Variants in GGACT observed in about 807,000 individuals in gnomAD.
GGACT encodes the protein gamma-glutamylaminecyclotransferase.
For synonymous variants in GGACT, 118 were observed against 115.3 expected (o/e 1.02, Z -0.15); for missense variants, 241 against 233.2 (o/e 1.03, Z -0.22).
Position 100,531,947 on chromosome 13 carries a change from G to T in GGACT, c.*183C>A. The T allele has an allele frequency of 2.3e-6, 1 of 435,822 alleles. No homozygotes were observed. The highest frequency in any genetic ancestry group is 5.9e-4 in the Middle Eastern group (1 of 1,684). The allele number at this position is 435,822 out of a possible 1,614,324, so 27.0% of individuals were successfully genotyped here. A position where few individuals can be genotyped will look rare whatever the true frequency, so the allele number is the denominator to read the frequency against. On this transcript the variant is annotated 3_prime_UTR_variant, in exon 3 of 3. Transcript: ENST00000683975. ...TTCTTACCAGGTAGAAAGATGGGAGGGAAGCACCTTGCTATTCGTATCTCA... is the reference window on the plus strand; with the variant it reads ...TTCTTACCAGGTAGAAAGATGGGAGTGAAGCACCTTGCTATTCGTATCTCA...
intron 2 of GGACT, 113 bp from the exon 3 acceptor site, chr13:100,532,714 G>C: frequency 1.3e-6 from 1 of 759,858 alleles, no homozygotes; most frequent in South Asian, 1.8e-5. Flanking sequence ...ACCTGAATGC[G>C]CCTGGCTGTG....
chr13:100,536,555 T>G (rs2088495406), intron 2 of GGACT: 1 of 152,098 alleles, frequency 6.6e-6, no homozygotes, highest in South Asian at 2.1e-4. Context: ...TATATATATA[T>G]TTTTTAAGTT....
At chr13:100,588,698 G>A (rs1055261004) in intron 1 of GGACT, 43 bp downstream of exon 1, 7 of 151,550 alleles carry the variant, frequency 4.6e-5, no homozygotes, top group Admixed American at 2.6e-4. Context: ...CTGGGGGGCG[G>A]AGCAGGCGCA....
intron 2 of GGACT, among the ~76,000 whole-genome samples, chr13:100,550,377 T>C: frequency 7.9e-6 from 1 of 126,224 alleles, no homozygotes; most frequent in African/African-American, 3.4e-5. Flanking sequence ...CTAAGGAAAC[T>C]GGATGCGCTG....
intron 2 of GGACT, 130 bp downstream of exon 2, chr13:100,583,695 C>T (rs1380664557): frequency 6.6e-6 from 1 of 152,148 alleles, no homozygotes; most frequent in East Asian, 1.9e-4. Context: ...GTACCTGGCT[C>T]CCCACCACTA....
At chr13:100,564,244 GTCTA>G (rs142458279) in intron 2 of GGACT, among the ~76,000 whole-genome samples, 143 of 152,308 alleles carry the variant, frequency 9.4e-4, no homozygotes, top group African/African-American at 3.3e-3. Flanking sequence ...TGTGGGAAGG[GTCTA>G]TCTGTTTTAC....
intron 2 of GGACT, among the ~76,000 whole-genome samples, chr13:100,579,315 G>C (rs1401727164): frequency 2.0e-5 from 3 of 152,110 alleles, no homozygotes; most frequent in African/African-American, 7.2e-5. Flanking sequence ...CCACAGCTGT[G>C]GGGAGAGGAG....
chr13:100,553,843 C>CAAAA (rs10664762), intron 2 of GGACT, among the ~76,000 whole-genome samples: 7 of 117,698 alleles, frequency 5.9e-5, no homozygotes, highest in South Asian at 3.0e-4. Flanking sequence ...GACTCCATCT[C>CAAAA]AAAAAAAAAA....
rs1240943487 is a variant in GGACT, at chr13:100,583,986, C to T, written c.-172G>A. On this transcript the variant is annotated 5_prime_UTR_variant, in exon 2 of 3. Transcript: ENST00000683975. ...AGAAAGTCCATGGGGACCAAATATC[C>T]AGTTTTCAGTCCTGTTGGGAGGTGA... is the stretch of plus-strand genomic sequence containing the variant. 1 of 152,146 alleles carries T rather than the reference C, an allele frequency of 6.6e-6. No homozygotes were observed. Among genetic ancestry groups the T allele is most frequent in the African/African-American group, 2.4e-5 (1 of 41,414 alleles). 9.4% of individuals were successfully genotyped at this position (152,146 alleles called of 1,614,324 possible).
At chr13:100,568,283 C>T (rs573624261) in intron 2 of GGACT, among the ~76,000 whole-genome samples, 1 of 152,350 alleles carries the variant, frequency 6.6e-6, no homozygotes, top group East Asian at 1.9e-4. Context: ...ACACCCAAGA[C>T]TGGGTAATTT....
chr13:100,557,563 C>G (rs917870821), intron 2 of GGACT, among the ~76,000 whole-genome samples: 1 of 151,998 alleles, frequency 6.6e-6, no homozygotes, highest in African/African-American at 2.4e-5. Context: ...AACTGCATAT[C>G]CATATGCAAA....
At chr13:100,588,585 G>C (rs528070963) in intron 1 of GGACT, 156 bp downstream of exon 1, 5 of 151,890 alleles carry the variant, frequency 3.3e-5, no homozygotes, top group African/African-American at 1.2e-4. Flanking sequence ...CGGCGCCCCA[G>C]GCCTCCTCCC....
intron 1 of GGACT, chr13:100,587,024 G>C (rs1397154814): frequency 6.6e-6 from 1 of 152,200 alleles, no homozygotes; most frequent in African/African-American, 2.4e-5. Flanking sequence ...CTAGATGGAG[G>C]ATGTTCTAAA....
rs892561350 is a variant in GGACT at position 100,588,746 on chromosome 13, G to C, written c.-189C>G. The stretch of plus-strand genomic sequence containing the variant: ...GCCCGGGCTCAGCGCCTCACCTGCC[G>C]GCAGCCGGGGCTGTCGGGGAGGGCA... On this transcript the variant is annotated 5_prime_UTR_variant, in exon 1 of 3. Coordinates refer to ENST00000683975, the MANE Select transcript of GGACT (RefSeq NM_001195087.2). 6.6e-6 allele frequency: 1 copy of C among 151,704 alleles called. No individual in the cohort carries two copies. The highest frequency in any genetic ancestry group is 2.4e-5 in the African/African-American group (1 of 41,368). The allele number at this position is 151,704 out of a possible 1,614,324, so 9.4% of individuals were successfully genotyped here. A position where few individuals can be genotyped will look rare whatever the true frequency, so the allele number is the denominator to read the frequency against.
At chr13:100,538,986 A>G (rs2088524289) in intron 2 of GGACT, 1 of 152,214 alleles carries the variant, frequency 6.6e-6, no homozygotes, top group African/African-American at 2.4e-5. Context: ...TGCTATCATA[A>G]ATGGAATAGT....
intron 1 of GGACT, among the ~76,000 whole-genome samples, chr13:100,587,682 C>T (rs1301979865): frequency 3.9e-5 from 6 of 152,184 alleles, no homozygotes; most frequent in African/African-American, 1.4e-4. Flanking sequence ...TTTAGTTTTT[C>T]ATTAATCATT....
intron 2 of GGACT, 25 bp from the exon 3 acceptor site, chr13:100,532,626 G>A: frequency 6.7e-7 from 1 of 1,497,416 alleles, no homozygotes; most frequent in East Asian, 2.5e-5. Context: ...GAAGTCACAG[G>A]TCAGCCCGCA....
intron 1 of GGACT, among the ~76,000 whole-genome samples, chr13:100,587,562 T>C (rs954306330): frequency 7.2e-5 from 11 of 152,358 alleles, no homozygotes; most frequent in African/African-American, 2.4e-4. Flanking sequence ...GTGCTCTTCA[T>C]CTGAGCATTT....
intron 2 of GGACT, among the ~76,000 whole-genome samples, chr13:100,555,529 C>T (rs560040190): frequency 6.6e-6 from 1 of 151,790 alleles, no homozygotes; most frequent in African/African-American, 2.4e-5. Flanking sequence ...GACCCCATCT[C>T]AGGTTTTTTT....
Sources: allele counts gnomAD v4.1 joint callset (sites outside exome capture counted in the v4.1 genomes callset), GRCh38; gene constraint gnomAD v4.1.1; transcripts MANE v1.5; gene names NCBI Gene and HGNC (gene_info 2026-07-23, HGNC 2026-07-21).